SPACA7: variants seen among roughly 807,000 people sequenced by gnomAD.
SPACA7 encodes sperm acrosome associated 7, also known as sperm acrosome-associated protein 7.
A neutral mutation model predicts 26.3 loss-of-function variants in SPACA7; 19 were observed. That is an observed-to-expected ratio of 0.72 (90% confidence interval 0.50 to 1.06). The LOEUF (loss-of-function observed/expected upper bound fraction) is 1.06, where lower values mean the gene tolerates loss of function less well. SPACA7 is among the 50% of genes least tolerant of loss of function. The pLI is 0.00. For missense variants in SPACA7, 211 were observed against 229.9 expected (o/e 0.92, Z 0.53); for synonymous variants, 84 against 84.5 (o/e 0.99, Z 0.04).
At chr13:112,382,454 T>C in intron 1 of SPACA7, 1 of 1,550,244 alleles carries the variant, frequency 6.5e-7, no homozygotes, top group Non-Finnish European at 8.7e-7. Context: ...CTGTCAATGC[T>C]CTGGCTTCTT....
chr13:112,419,984 C>A (rs1886916289), intron 5 of SPACA7, among the ~76,000 whole-genome samples: 1 of 152,206 alleles, frequency 6.6e-6, no homozygotes, highest in African/African-American at 2.4e-5. Flanking sequence ...AAGGCAACAG[C>A]AGCACACTTC....
chr13:112,399,366 T>A (rs1490497199), intron 4 of SPACA7, among the ~76,000 whole-genome samples, 193 bp downstream of exon 4: 1 of 152,232 alleles, frequency 6.6e-6, no homozygotes, highest in Admixed American at 6.5e-5. Flanking sequence ...CCTCACCCCC[T>A]GCTGTGGGGC....
chr13:112,392,130 C>T (rs1007999485), intron 1 of SPACA7, among the ~76,000 whole-genome samples: 1 of 152,202 alleles, frequency 6.6e-6, no homozygotes, highest in South Asian at 2.1e-4. Flanking sequence ...GAGGAAGAAG[C>T]TGACCTTGAC....
intron 1 of SPACA7, among the ~76,000 whole-genome samples, chr13:112,381,156 G>T (rs556886513): frequency 6.6e-6 from 1 of 152,220 alleles, no homozygotes; most frequent in East Asian, 1.9e-4. Context: ...TGACGCCAGG[G>T]TGATGAGTCA....
At chr13:112,396,302 C>T (rs1186661390) in intron 2 of SPACA7, among the ~76,000 whole-genome samples, 1 of 152,094 alleles carries the variant, frequency 6.6e-6, no homozygotes, top group Non-Finnish European at 1.5e-5. Context: ...CAACCGAAGC[C>T]AGAGTTGGCC....
intron 1 of SPACA7, among the ~76,000 whole-genome samples, chr13:112,379,599 C>T (rs953982044): frequency 3.3e-5 from 5 of 152,192 alleles, no homozygotes; most frequent in African/African-American, 1.2e-4. Context: ...TTCTGAAACA[C>T]TTATAACATA....
intron 5 of SPACA7, among the ~76,000 whole-genome samples, chr13:112,412,874 A>G (rs1197199479): frequency 6.6e-6 from 1 of 152,204 alleles, no homozygotes; most frequent in Non-Finnish European, 1.5e-5. Context: ...GGAAACCTAA[A>G]AAACACATCC....
At chr13:112,405,488 T>C (rs1363162509) in intron 5 of SPACA7, among the ~76,000 whole-genome samples, 1 of 152,202 alleles carries the variant, frequency 6.6e-6, no homozygotes, top group African/African-American at 2.4e-5. Flanking sequence ...TTTGTCTTTG[T>C]TTTTCATAAT....
At position 112,406,175 on chromosome 13, in the gene SPACA7, C is replaced by T. The variant is rs186689185; in HGVS notation, c.445+5011C>T. Reference sequence around the variant, plus strand: ...AAACATATTCATAATGCTGTCTAACCATCACCACCATGTGTCTCCAGAATT... The same window carrying T: ...AAACATATTCATAATGCTGTCTAACTATCACCACCATGTGTCTCCAGAATT... On this transcript the variant is annotated intron_variant, in intron 5 of 6. Coordinates refer to ENST00000283550, the MANE Select transcript of SPACA7 (RefSeq NM_145248.5). Among the ~76,000 whole-genome samples the T allele has an allele frequency of 1.5e-3, 225 of 152,212 alleles. 3 individuals carry two copies. The highest frequency in any genetic ancestry group is 5.3e-3 in the African/African-American group (221 of 41,538).
intron 5 of SPACA7, among the ~76,000 whole-genome samples, chr13:112,409,859 T>C (rs1254067323): frequency 6.6e-6 from 1 of 152,182 alleles, no homozygotes; most frequent in Non-Finnish European, 1.5e-5. Context: ...AGCCATCCCA[T>C]TAGTGGGTAT....
intron 5 of SPACA7, among the ~76,000 whole-genome samples, chr13:112,401,863 G>T (rs1425874589): frequency 6.6e-6 from 1 of 152,108 alleles, no homozygotes; most frequent in African/African-American, 2.4e-5. Context: ...CCCATGATTT[G>T]CAAAGCCACA....
intron 5 of SPACA7, among the ~76,000 whole-genome samples, chr13:112,415,858 T>G (rs1425038297): frequency 2.6e-5 from 4 of 152,088 alleles, no homozygotes; most frequent in Non-Finnish European, 5.9e-5. Flanking sequence ...GCAGCGATTC[T>G]CCTCTGGCCT....
chr13:112,432,440 A>G lies in SPACA7; in HGVS notation c.446-4A>G. 1.2e-6 allele frequency: 2 copies of G among 1,601,522 alleles called. No individual in the cohort carries two copies. The highest frequency in any genetic ancestry group is 8.6e-7 in the Non-Finnish European group (1 of 1,168,586). ...GATCATTGTACTTATTGTTTTCCCC[A>G]CAGAAAAGAATTCAAAGAACACTCA... On this transcript the variant is annotated splice_polypyrimidine_tract_variant and splice_region_variant and intron_variant, in intron 5 of 6. Transcript: ENST00000283550.
chr13:112,398,097 G>C lies in SPACA7; in HGVS notation c.200G>C (p.Ser67Thr). The change falls in exon 3 of 7, where the codon AGC becomes ACC. Residue 67 changes from serine to threonine, a missense_variant. Coordinates refer to ENST00000283550, the MANE Select transcript of SPACA7 (RefSeq NM_145248.5). ...TTAGATCTGAATAAAACAACACCGAGCGAAATGCCAAGTACAGCATCAACA... is the reference window on the plus strand; with the variant it reads ...TTAGATCTGAATAAAACAACACCGACCGAAATGCCAAGTACAGCATCAACA... ...EILDLNKTTPSEMPSTASTLS... is the reference protein window; with the variant it reads ...EILDLNKTTPTEMPSTASTLS... The C allele has an allele frequency of 6.2e-7, 1 of 1,614,072 alleles. No individual in the cohort carries two copies.
chr13:112,426,641 G>A (rs965043377), intron 5 of SPACA7, among the ~76,000 whole-genome samples: 5 of 152,090 alleles, frequency 3.3e-5, no homozygotes, highest in African/African-American at 1.2e-4. Context: ...GTGTTTAGTA[G>A]TTACTGATAT....
intron 5 of SPACA7, among the ~76,000 whole-genome samples, chr13:112,413,078 T>C (rs1454213583): frequency 6.6e-6 from 1 of 152,202 alleles, no homozygotes; most frequent in Non-Finnish European, 1.5e-5. Context: ...GATTTGCCTT[T>C]TCATCTTTAT....
intron 5 of SPACA7, among the ~76,000 whole-genome samples, chr13:112,405,022 G>A (rs550613946): frequency 5.1e-5 from 6 of 118,022 alleles, no homozygotes; most frequent in Admixed American, 3.5e-4. Flanking sequence ...TCGCTGTGTC[G>A]CCCAGGCAGG....
At chr13:112,421,387 A>G (rs1025499649) in intron 5 of SPACA7, among the ~76,000 whole-genome samples, 1 of 152,186 alleles carries the variant, frequency 6.6e-6, no homozygotes. Context: ...ATCCAACACT[A>G]AAAATATTTA....
intron 5 of SPACA7, among the ~76,000 whole-genome samples, chr13:112,423,458 C>CA (rs1198819241): frequency 1.3e-5 from 2 of 151,632 alleles, no homozygotes; most frequent in African/African-American, 4.8e-5. Flanking sequence ...GAAACAGAAA[C>CA]AAAAAAGTCA....
Sources: allele counts gnomAD v4.1 joint callset (sites outside exome capture counted in the v4.1 genomes callset), GRCh38; gene constraint gnomAD v4.1.1; transcripts MANE v1.5; gene names NCBI Gene and HGNC (gene_info 2026-07-23, HGNC 2026-07-21).